Variants in PLXNA4 observed in about 807,000 individuals in gnomAD.
The protein encoded by PLXNA4 is plexin-A4.
PLXNA4 carries 44 observed loss-of-function variants against 191.8 expected under a neutral mutation model. The observed-to-expected ratio is 0.23, with a 90% CI of 0.18 to 0.29. PLXNA4 has a LOEUF of 0.29. Among genes scored for constraint, PLXNA4 ranks in the 10% least tolerant of loss-of-function variants. The probability of loss-of-function intolerance (pLI) is 1.00; values close to 1 mark genes in which losing one functional copy is unlikely to be tolerated. For synonymous variants in PLXNA4, 1,082 were observed against 1,009.5 expected, an observed-to-expected ratio of 1.07 and a Z score of -1.36; for missense variants, 1,800 against 2,488.8, an observed-to-expected ratio of 0.72 and a Z score of 5.89.
intron 3 of PLXNA4, among the ~76,000 whole-genome samples, chr7:132,317,317 ATTGAG>A (rs1289311258): frequency 7.0e-6 from 1 of 143,422 alleles, no homozygotes; most frequent in Admixed American, 6.9e-5. Flanking sequence ...GCTGAATTGG[ATTGAG>A]TTGGGTTGGG....
chr7:132,336,338 C>T (rs1378624939), intron 3 of PLXNA4, among the ~76,000 whole-genome samples: 2 of 152,190 alleles, frequency 1.3e-5, no homozygotes, highest in African/African-American at 2.4e-5. Flanking sequence ...GCATCTGATC[C>T]AGGCAACACA....
At chr7:132,509,890 G>A (rs1483031947) in intron 1 of PLXNA4, among the ~76,000 whole-genome samples, 1 of 152,174 alleles carries the variant, frequency 6.6e-6, no homozygotes, top group Non-Finnish European at 1.5e-5. Flanking sequence ...CCAACCCTGA[G>A]CCCTAATGTT....
chr7:132,635,091 C>T (rs1213967876), intron 2 of PLXNA4, among the ~76,000 whole-genome samples: 1 of 151,662 alleles, frequency 6.6e-6, no homozygotes, highest in Non-Finnish European at 1.5e-5. Context: ...CTTGGACTGG[C>T]TCTCCTTGCT....
intron 14 of PLXNA4, among the ~76,000 whole-genome samples, chr7:132,189,969 G>T (rs1189111346): frequency 6.6e-6 from 1 of 152,174 alleles, no homozygotes; most frequent in Non-Finnish European, 1.5e-5. Flanking sequence ...CCTCAAAGAT[G>T]TCCCTTAAGT....
chr7:132,325,435 G>A (rs190476913), intron 3 of PLXNA4, among the ~76,000 whole-genome samples: 1 of 152,334 alleles, frequency 6.6e-6, no homozygotes, highest in Non-Finnish European at 1.5e-5. Flanking sequence ...GATATGCTGA[G>A]ATCCTAAGCC....
chr7:132,234,814 C>A lies in PLXNA4; in HGVS notation c.1604+6252G>T, dbSNP rs150547046. 3.3e-3 allele frequency among the ~76,000 whole-genome samples: 509 copies of A among 152,238 alleles called. 10 individuals carry two copies. Among genetic ancestry groups the A allele is most frequent in the African/African-American group, 0.012 (486 of 41,542 alleles). On this transcript the variant is annotated intron_variant, in intron 5 of 31. Transcript: ENST00000321063. Reference sequence around the variant, plus strand: ...TTTTTGGCAAAGAGTCAAGGAAAATCTCCTTGCACAGACTGCAAAGAGTTT... The same window carrying A: ...TTTTTGGCAAAGAGTCAAGGAAAATATCCTTGCACAGACTGCAAAGAGTTT...
chr7:132,231,992 G>A (rs1798539937), intron 5 of PLXNA4, among the ~76,000 whole-genome samples: 2 of 152,220 alleles, frequency 1.3e-5, no homozygotes, highest in African/African-American at 4.8e-5. Context: ...CAGGATTCAT[G>A]AGGGTGGAGG....
intron 31 of PLXNA4, among the ~76,000 whole-genome samples, chr7:132,132,397 GTT>G (rs1794958423): frequency 3.2e-4 from 10 of 31,202 alleles, no homozygotes; most frequent in African/African-American, 1.3e-3. Context: ...GTTCTGTTCT[GTT>G]CTGTTCTGTT....
chr7:132,171,696 A>G (rs1014818796), intron 21 of PLXNA4, among the ~76,000 whole-genome samples: 5 of 152,250 alleles, frequency 3.3e-5, no homozygotes, highest in Middle Eastern at 6.8e-3. Flanking sequence ...CCTGGGAAGG[A>G]AGATTTTAGC....
At chr7:132,297,878 C>T (rs988803229) in intron 4 of PLXNA4, among the ~76,000 whole-genome samples, 1 of 152,156 alleles carries the variant, frequency 6.6e-6, no homozygotes, top group Non-Finnish European at 1.5e-5. Flanking sequence ...TTAGACTCTC[C>T]AATATTTTGA....
At chr7:132,488,642 C>T (rs893571426) in intron 3 of PLXNA4, among the ~76,000 whole-genome samples, 4 of 152,162 alleles carry the variant, frequency 2.6e-5, no homozygotes, top group Non-Finnish European at 5.9e-5. Flanking sequence ...CATCCCTGGG[C>T]GGATGACTGC....
chr7:132,548,896 C>T (rs1464530283), intron 1 of PLXNA4, among the ~76,000 whole-genome samples: 1 of 152,166 alleles, frequency 6.6e-6, no homozygotes, highest in African/African-American at 2.4e-5. Flanking sequence ...GACCTCGGGT[C>T]GTCCCCACTG....
chr7:132,296,965 G>A (rs1031880141), intron 4 of PLXNA4, among the ~76,000 whole-genome samples: 2 of 152,106 alleles, frequency 1.3e-5, no homozygotes, highest in African/African-American at 4.8e-5. Context: ...TCGGGAGAAC[G>A]GGGAGTCTGA....
At chr7:132,179,604 G>A (rs1185901465) in intron 20 of PLXNA4, 83 bp downstream of exon 20, 6 of 1,534,138 alleles carry the variant, frequency 3.9e-6, no homozygotes, top group East Asian at 4.7e-5. Context: ...TGAAACATAT[G>A]CATACACATA....
intron 3 of PLXNA4, chr7:132,384,853 A>G: frequency 8.6e-7 from 1 of 1,167,398 alleles, no homozygotes; most frequent in East Asian, 6.5e-5. Context: ...ACCATATATC[A>G]GGCCCAAGAG....
At chr7:132,386,372 C>T (rs189436070) in intron 3 of PLXNA4, among the ~76,000 whole-genome samples, 50 of 152,334 alleles carry the variant, frequency 3.3e-4, no homozygotes, top group East Asian at 1.9e-4. Context: ...CAAACACGGG[C>T]GGGCTCCAGC....
At chr7:132,295,838 T>C (rs1261031834) in intron 4 of PLXNA4, among the ~76,000 whole-genome samples, 1 of 152,240 alleles carries the variant, frequency 6.6e-6, no homozygotes, top group Non-Finnish European at 1.5e-5. Context: ...ACTTACTCTG[T>C]GCCAGCCATG....
chr7:132,362,783 A>T (rs1202566557), intron 3 of PLXNA4, among the ~76,000 whole-genome samples: 1 of 152,224 alleles, frequency 6.6e-6, no homozygotes, highest in Non-Finnish European at 1.5e-5. Context: ...ATCATTAAAA[A>T]TAATAATAAC....
chr7:132,405,184 A>G (rs1432315678), intron 3 of PLXNA4, among the ~76,000 whole-genome samples: 2 of 152,068 alleles, frequency 1.3e-5, no homozygotes, highest in Non-Finnish European at 2.9e-5. Context: ...TTGCTGAAAC[A>G]TGGTACTCCC....
Sources: allele counts gnomAD v4.1 joint callset (sites outside exome capture counted in the v4.1 genomes callset), GRCh38; gene constraint gnomAD v4.1.1; transcripts MANE v1.5; gene names NCBI Gene and HGNC (gene_info 2026-07-23, HGNC 2026-07-21).